The following ZSCAN5A variants were observed in gnomAD, a reference collection of about 807,000 sequenced individuals.
ZSCAN5A encodes zinc finger and SCAN domain-containing protein 5A.
Under a neutral mutation model 23.7 loss-of-function variants are expected in ZSCAN5A, and 12 were observed. That is an observed-to-expected ratio of 0.51 (90% CI 0.32 to 0.82). The LOEUF is 0.82. Among genes scored for constraint, ZSCAN5A ranks in the 40% least tolerant of loss-of-function variants. ZSCAN5A has a pLI of 0.03. For synonymous variants in ZSCAN5A, 257 were observed against 239.9 expected (o/e 1.07, Z -0.66); for missense variants, 597 against 617.9 (o/e 0.97, Z 0.36).
intron 2 of ZSCAN5A, among the ~76,000 whole-genome samples, chr19:56,322,894 T>TC: frequency 9.0e-6 from 1 of 111,504 alleles, no homozygotes; most frequent in East Asian, 2.0e-4. Flanking sequence ...ATTGGTTTCT[T>TC]TTTTTTTTTT....
At chr19:56,243,962 G>A (rs1006776897) in intron 2 of ZSCAN5A, 9 of 600,302 alleles carry the variant, frequency 1.5e-5, no homozygotes, top group Non-Finnish European at 2.7e-5. Flanking sequence ...ACCAAAGGAG[G>A]CCTGTCTAGA....
At chr19:56,260,990 CT>C (rs2037086326) in intron 2 of ZSCAN5A, among the ~76,000 whole-genome samples, 1 of 151,968 alleles carries the variant, frequency 6.6e-6, no homozygotes, top group East Asian at 1.9e-4. Flanking sequence ...GGTGGATCAT[CT>C]GAGGTCAGGA....
intron 2 of ZSCAN5A, among the ~76,000 whole-genome samples, chr19:56,355,039 C>T (rs2041692897): frequency 6.6e-6 from 1 of 152,274 alleles, no homozygotes; most frequent in Admixed American, 6.5e-5. Context: ...TGTAAACCAG[C>T]ACCTGAATTT....
intron 2 of ZSCAN5A, among the ~76,000 whole-genome samples, chr19:56,331,553 C>A (rs1206249221): frequency 9.3e-6 from 1 of 107,816 alleles, no homozygotes. Flanking sequence ...TTTTTTCTTT[C>A]AGCTATTGTA....
At chr19:56,261,237 G>A (rs762146642) in intron 2 of ZSCAN5A, among the ~76,000 whole-genome samples, 2 of 151,940 alleles carry the variant, frequency 1.3e-5, no homozygotes, top group South Asian at 4.1e-4. Flanking sequence ...AATGTAGGGA[G>A]CTTAAGTGAC....
rs75106529 is a variant in ZSCAN5A at position 56,351,540 on chromosome 19, G to C, written c.-358+11695C>G. On this transcript the variant is annotated intron_variant, in intron 2 of 6. Coordinates refer to the ZSCAN5A transcript ENST00000587340. The surrounding 1 kb of genome is among the most constrained non-coding windows in gnomAD (Gnocchi z 4.8). ...AGGGACTGTCTTTCTGTTGCGCACA[G>C]GGTCTATCTCTGTTCCTTTCCCATG... is the stretch of plus-strand genomic sequence containing the variant. 0.035 allele frequency among the ~76,000 whole-genome samples: 5,344 copies of C among 152,174 alleles called. 255 individuals carry two copies. Among genetic ancestry groups the C allele is most frequent in the East Asian group, 0.25 (1,299 of 5,140 alleles).
chr19:56,222,452 T>C (rs2033357840), intron 5 of ZSCAN5A, 126 bp from the exon 6 acceptor site: 1 of 1,551,188 alleles, frequency 6.4e-7, no homozygotes. Flanking sequence ...CATTGGACTG[T>C]AGGTCTCTGG....
At chr19:56,244,270 C>T (rs777960862) in intron 2 of ZSCAN5A, 1 of 1,608,656 alleles carries the variant, frequency 6.2e-7, no homozygotes, top group Admixed American at 1.7e-5. Flanking sequence ...TGAGGCCCGA[C>T]CTCCACACCA....
intron 2 of ZSCAN5A, among the ~76,000 whole-genome samples, chr19:56,310,926 T>A (rs1463529802): frequency 6.6e-6 from 1 of 152,208 alleles, no homozygotes. Context: ...AAAATGGGGA[T>A]AGTAACAGTA....
At chr19:56,362,349 C>T (rs201645974) in intron 2 of ZSCAN5A, among the ~76,000 whole-genome samples, 1 of 150,894 alleles carries the variant, frequency 6.6e-6, no homozygotes, top group African/African-American at 2.4e-5. Flanking sequence ...GGCAGATCAC[C>T]TGAGGTCAGG....
At chr19:56,252,194 G>A (rs927129782) in intron 2 of ZSCAN5A, among the ~76,000 whole-genome samples, 1 of 148,374 alleles carries the variant, frequency 6.7e-6, no homozygotes, top group Non-Finnish European at 1.5e-5. Flanking sequence ...AGGGTGCTGG[G>A]TAAGAGAGGA....
chr19:56,249,469 G>A (rs7255609), intron 2 of ZSCAN5A, among the ~76,000 whole-genome samples: 20,749 of 152,114 alleles, frequency 0.14, 2,198 homozygotes, highest in African/African-American at 0.29. Flanking sequence ...ACAGGGTTTC[G>A]CCATGTTGGC....
chr19:56,335,068 G>C (rs1215482434), intron 2 of ZSCAN5A, among the ~76,000 whole-genome samples: 1 of 152,150 alleles, frequency 6.6e-6, no homozygotes, highest in Non-Finnish European at 1.5e-5. Flanking sequence ...TGCATGAGCT[G>C]ACAGACAAAA....
chr19:56,239,007 G>A (rs1830278535), intron 2 of ZSCAN5A, among the ~76,000 whole-genome samples: 1 of 152,198 alleles, frequency 6.6e-6, no homozygotes, highest in Non-Finnish European at 1.5e-5. Context: ...ATATCACAAA[G>A]TATGAGAAAA....
intron 2 of ZSCAN5A, chr19:56,295,123 C>CTT (rs776295362): frequency 5.9e-5 from 9 of 152,104 alleles, no homozygotes; most frequent in Non-Finnish European, 1.2e-4. Context: ...TTGTGAATGT[C>CTT]CTAAAAACTA....
chr19:56,278,514 C>A (rs1450222938), intron 2 of ZSCAN5A, among the ~76,000 whole-genome samples: 1 of 152,174 alleles, frequency 6.6e-6, no homozygotes, highest in East Asian at 1.9e-4. Context: ...ATCATGCAGA[C>A]CCGTTTTAGG....
At chr19:56,281,960 GAGAAC>G (rs2038744085) in intron 2 of ZSCAN5A, among the ~76,000 whole-genome samples, 2 of 152,204 alleles carry the variant, frequency 1.3e-5, no homozygotes, top group Non-Finnish European at 2.9e-5. Flanking sequence ...CAGAGAGAAA[GAGAAC>G]CTGTGTGGTG....
chr19:56,261,858 T>C (rs1439142816), intron 2 of ZSCAN5A, among the ~76,000 whole-genome samples: 1 of 152,182 alleles, frequency 6.6e-6, no homozygotes, highest in Admixed American at 6.5e-5. Flanking sequence ...AACTTACATA[T>C]AGTGAAGTGT....
At chr19:56,242,376 T>A (rs1207849071) in intron 2 of ZSCAN5A, among the ~76,000 whole-genome samples, 1 of 152,222 alleles carries the variant, frequency 6.6e-6, no homozygotes, top group Non-Finnish European at 1.5e-5. Context: ...TCTAGCGGGT[T>A]ATGTGTTTTC....
Sources: gnomAD v4.1 joint callset for allele counts (sites outside exome capture counted in the v4.1 genomes callset) on GRCh38, gnomAD v4.1.1 for gene constraint, Gnocchi (gnomAD v3.1) non-coding constraint, MANE v1.5 for transcripts, NCBI Gene and HGNC (gene_info 2026-07-23, HGNC 2026-07-21) for gene names.